QRSL1: variants seen among roughly 807,000 people sequenced by gnomAD.
QRSL1 encodes glutaminyl-tRNA amidotransferase subunit QRSL1, also known as glutamyl-tRNA(Gln) amidotransferase subunit A, mitochondrial.
QRSL1 carries 54 observed loss-of-function variants against 61.6 expected under a neutral mutation model. The observed-to-expected ratio is 0.88, with a 90% CI of 0.70 to 1.10. The LOEUF is 1.10. Among genes scored for constraint, QRSL1 ranks in the 50% least tolerant of loss-of-function variants. The probability of loss-of-function intolerance (pLI) is 0.00; values close to 1 mark genes in which losing one functional copy is unlikely to be tolerated. For missense variants in QRSL1, 505 were observed against 622.6 expected (o/e 0.81, Z 2.01); for synonymous variants, 228 against 225.7 (o/e 1.01, Z -0.09).
rs1777444767 is a variant in QRSL1, at chr6:106,666,875, G to A, written c.*873G>A. On this transcript the variant is annotated 3_prime_UTR_variant, in exon 11 of 11. Coordinates refer to ENST00000369046, the MANE Select transcript of QRSL1 (RefSeq NM_018292.5). ...GCAAATCTCAGGGGTATGCCTCTCT[G>A]GGGAGGAGCTCCACTTGCAGGGACT... is the stretch of plus-strand genomic sequence containing the variant. 6.6e-6 allele frequency: 1 copy of A among 152,202 alleles called. No individual in the cohort carries two copies. The highest frequency in any genetic ancestry group is 2.4e-5 in the African/African-American group (1 of 41,444). The allele number at this position is 152,202 out of a possible 1,614,324, so 9.4% of individuals were successfully genotyped here.
chr6:106,660,430 T>C (rs1777339285), intron 9 of QRSL1, among the ~76,000 whole-genome samples: 2 of 150,568 alleles, frequency 1.3e-5, no homozygotes, highest in East Asian at 4.0e-4. Context: ...CAAGGAATCC[T>C]ACCCCCAGCC....
At position 106,663,048 on chromosome 6, in the gene QRSL1, C is replaced by T. The variant is rs763530462; in HGVS notation, c.1229C>T (p.Ala410Val). The T allele has an allele frequency of 6.2e-7, 1 of 1,612,856 alleles. No individual in the cohort carries two copies. ...CTCATTGCTAATGACTTTGTAAATG[C>T]TTTTAACTCTGGAGTAGATGTCTTG... is the stretch of plus-strand genomic sequence containing the variant. Reference protein sequence around the residue: ...RRLIANDFVNAFNSGVDVLLT... With the variant: ...RRLIANDFVNVFNSGVDVLLT... Residue 410 changes from alanine (A) to valine (V), a missense_variant, in exon 10 of 11, where the codon GCT becomes GTT. Physicochemically the swap from Ala to Val is moderately conservative, Grantham distance 64 (BLOSUM62 0). Coordinates refer to ENST00000369046, the MANE Select transcript of QRSL1 (RefSeq NM_018292.5).
chr6:106,655,063 C>T lies in QRSL1; in HGVS notation c.1042+141C>T, dbSNP rs1387201320. 5.1e-6 allele frequency: 4 copies of T among 785,692 alleles called. No individual in the cohort carries two copies. In the Admixed American group the frequency reaches 8.3e-5, roughly 16 times the overall value. 48.7% of individuals were successfully genotyped at this position (785,692 alleles called of 1,614,324 possible). A position where few individuals can be genotyped will look rare whatever the true frequency, so the allele number is the denominator to read the frequency against. On this transcript the variant is annotated intron_variant, in intron 8 of 10. Transcript: ENST00000369046. ...CATCAGTGAATCATTTTACCTTTGTCATTTTAGACTTGTACTTACACTATT... is the reference window on the plus strand; with the variant it reads ...CATCAGTGAATCATTTTACCTTTGTTATTTTAGACTTGTACTTACACTATT...
At chr6:106,629,781 G>A (rs2114692562) in intron 1 of QRSL1, 76 bp downstream of exon 1, 3 of 1,537,288 alleles carry the variant, frequency 2.0e-6, no homozygotes, top group East Asian at 2.4e-5. Context: ...GAGTCCCTGG[G>A]CCTTACCACG....
intron 4 of QRSL1, 83 bp from the exon 5 acceptor site, chr6:106,648,942 G>C: frequency 7.0e-7 from 1 of 1,421,710 alleles, no homozygotes; most frequent in Non-Finnish European, 9.5e-7. Flanking sequence ...ATGAGTGTCA[G>C]AAGCAAATAA....
chr6:106,654,255 C>G (rs1295785499), intron 7 of QRSL1, among the ~76,000 whole-genome samples: 3 of 151,822 alleles, frequency 2.0e-5, no homozygotes, highest in African/African-American at 7.3e-5. Flanking sequence ...AAGGCTAAGG[C>G]AGGAGAATGG....
rs902628133 is a variant in QRSL1, at chr6:106,665,940, A to G, written c.1525A>G (p.Met509Val). 2 of 1,613,906 alleles carry G rather than the reference A, an allele frequency of 1.2e-6. No homozygotes were observed. Among genetic ancestry groups the G allele is most frequent in the African/African-American group, 2.7e-5 (2 of 74,936 alleles). ...QFPVIQLQEL[M>V]DDCSAVLENE... is the part of the protein sequence containing the mutation. ...TCCTGTTATTCAACTTCAAGAACTCATGGATGATTGTTCAGCAGTCCTTGA... is the reference window on the plus strand; with the variant it reads ...TCCTGTTATTCAACTTCAAGAACTCGTGGATGATTGTTCAGCAGTCCTTGA... Residue 509 changes from methionine to valine, a missense_variant, in exon 11 of 11, where the codon ATG becomes GTG. Met to Val is a conservative substitution (Grantham distance 21, BLOSUM62 1). Coordinates refer to ENST00000369046, the MANE Select transcript of QRSL1 (RefSeq NM_018292.5).
At chr6:106,650,071 C>G in intron 5 of QRSL1, among the ~76,000 whole-genome samples, 1 of 151,990 alleles carries the variant, frequency 6.6e-6, no homozygotes, top group East Asian at 1.9e-4. Flanking sequence ...ACAAGTAAAA[C>G]CATTTCATTT....
At chr6:106,630,438 T>A (rs113673351) in intron 1 of QRSL1, among the ~76,000 whole-genome samples, 10 of 152,352 alleles carry the variant, frequency 6.6e-5, no homozygotes, top group African/African-American at 2.4e-4. Flanking sequence ...ATCTTTCATA[T>A]CCAATAAATC....
Position 106,643,061 on chromosome 6 carries a change from A to G in QRSL1, c.351A>G (p.Gly117=). 1 of 1,611,962 alleles carries G rather than the reference A, an allele frequency of 6.2e-7. No individual in the cohort carries two copies. The highest frequency in any genetic ancestry group is 1.1e-5 in the South Asian group (1 of 90,876). Reference sequence around the variant, plus strand: ...TGGATCAGGGAGCTCTACTAATGGGAAAAACAAATTTAGATGAGTTTGCTA... The same window carrying G: ...TGGATCAGGGAGCTCTACTAATGGGGAAAACAAATTTAGATGAGTTTGCTA... The part of the protein sequence containing the change: ...KLLDQGALLM[G]KTNLDEFAMG... Residue 117 remains glycine, a synonymous_variant, in exon 4 of 11, where the codon GGA becomes GGG. Coordinates refer to ENST00000369046, the MANE Select transcript of QRSL1 (RefSeq NM_018292.5).
rs572306794 is a variant in QRSL1, at chr6:106,661,686, C to CTTTTT, written c.1161-1263_1161-1259dup. 6.2e-4 allele frequency among the ~76,000 whole-genome samples: 34 copies of CTTTTT among 55,096 alleles called. 3 individuals carry two copies. Among genetic ancestry groups the CTTTTT allele is most frequent in the African/African-American group, 1.3e-3 (21 of 15,934 alleles). The allele number at this position is 55,096 out of a possible 152,430, so 36.1% of individuals were successfully genotyped here. ...CTGTTGTGGAAAAGAATGGTTAGTTCTTTTTTTTTTTTTTTTTTTTTTTTT... is the reference window on the plus strand; with the variant it reads ...CTGTTGTGGAAAAGAATGGTTAGTTCTTTTTTTTTTTTTTTTTTTTTTTTTTTTTT... On this transcript the variant is annotated intron_variant, in intron 9 of 10. Coordinates refer to ENST00000369046, the MANE Select transcript of QRSL1 (RefSeq NM_018292.5).
chr6:106,649,269 G>A, intron 5 of QRSL1, 68 bp downstream of exon 5: 2 of 1,498,162 alleles, frequency 1.3e-6, no homozygotes, highest in Non-Finnish European at 9.1e-7. Flanking sequence ...ACTGTATCCA[G>A]CAATAGAGTA....
rs746334602 is a variant in QRSL1, at chr6:106,640,803, CTT to C, written c.185-17_185-16del. The stretch of plus-strand genomic sequence containing the variant: ...ATTTTAAACTATCTCCTTTATCACT[CTT>C]TTGGCTTTTTAATGCAGGACAGTCA... On this transcript the variant is annotated intron_variant, in intron 2 of 10. Transcript: ENST00000369046. The C allele has an allele frequency of 3.2e-6, 5 of 1,584,644 alleles. No individual in the cohort carries two copies. Among genetic ancestry groups the C allele is most frequent in the Non-Finnish European group, 4.3e-6 (5 of 1,154,246 alleles).
At chr6:106,631,897 G>A (rs1027831201) in intron 1 of QRSL1, among the ~76,000 whole-genome samples, 1 of 152,116 alleles carries the variant, frequency 6.6e-6, no homozygotes, top group African/African-American at 2.4e-5. Context: ...ATCAAATACT[G>A]TATCTTATTC....
At chr6:106,644,840 G>C (rs1336501320) in intron 4 of QRSL1, among the ~76,000 whole-genome samples, 1 of 152,060 alleles carries the variant, frequency 6.6e-6, no homozygotes, top group Non-Finnish European at 1.5e-5. Flanking sequence ...ACCTAACAAA[G>C]GTCACAAAGA....
In QRSL1 at chr6:106,639,119, G is replaced by GTTTTTTGTTTTTTTTTTTTTTTTTT. The variant is rs1776970425; in HGVS notation, c.25-1224_25-1223insGTTTTTTTTTTTTTTTTTTTTTTTT. ...TGTGTGGTTATTTGTGTGTTTTGTT[G>GTTTTTTGTTTTTTTTTTTTTTTTTT]TTTTTTTTTTTTTTTTTTTTTTTTT... On this transcript the variant is annotated intron_variant, in intron 1 of 10. Coordinates refer to ENST00000369046, the MANE Select transcript of QRSL1 (RefSeq NM_018292.5). 1.6e-5 allele frequency among the ~76,000 whole-genome samples: 2 copies of GTTTTTTGTTTTTTTTTTTTTTTTTT among 122,798 alleles called. 1 individual carries two copies. 80.6% of individuals were successfully genotyped at this position (122,798 alleles called of 152,430 possible).
At chr6:106,642,214 C>T (rs1241417816) in intron 3 of QRSL1, among the ~76,000 whole-genome samples, 2 of 152,136 alleles carry the variant, frequency 1.3e-5, no homozygotes, top group Non-Finnish European at 2.9e-5. Flanking sequence ...CACCACCAGA[C>T]CCAGCTAAAT....
At chr6:106,660,333 C>G (rs60880234) in intron 9 of QRSL1, among the ~76,000 whole-genome samples, 2,891 of 151,494 alleles carry the variant, frequency 0.019, 82 homozygotes, top group African/African-American at 0.067. Context: ...ACTCCCCACC[C>G]CCCCCGTGAA....
chr6:106,655,647 G>A lies in QRSL1; in HGVS notation c.1075G>A (p.Ala359Thr), dbSNP rs1275318780. The A allele has an allele frequency of 6.2e-7, 1 of 1,612,556 alleles. No individual in the cohort carries two copies. The highest frequency in any genetic ancestry group is 2.2e-5 in the East Asian group (1 of 44,810). Residue 359 changes from alanine to threonine, a missense_variant, in exon 9 of 11, where the codon GCC becomes ACC. Physicochemically the swap from Ala to Thr is moderately conservative, Grantham distance 58. Coordinates refer to ENST00000369046, the MANE Select transcript of QRSL1 (RefSeq NM_018292.5). ...HRCDIDVSTE[A>T]MYAATRREGF... ...ATGTGACATTGATGTGTCCACTGAA[G>A]CCATGTATGCTGCAACCAGACGAGA...
Sources: allele counts gnomAD v4.1 joint callset (sites outside exome capture counted in the v4.1 genomes callset), GRCh38; gene constraint gnomAD v4.1.1; transcripts MANE v1.5; gene names NCBI Gene and HGNC (gene_info 2026-07-23, HGNC 2026-07-21).